The following SLC25A21 variants were observed in gnomAD, a reference collection of about 807,000 sequenced individuals.
SLC25A21 encodes the protein solute carrier family 25 member 21.
In SLC25A21, 47 loss-of-function variants were observed where a neutral mutation model predicts 43.8. The ratio of observed to expected loss-of-function variants is 1.07; its 90% CI spans 0.85 to 1.37. The LOEUF (loss-of-function observed/expected upper bound fraction) is 1.37. Among genes scored for constraint, SLC25A21 ranks in the 40% most tolerant of loss-of-function variants. SLC25A21 has a pLI of 0.00. For missense variants in SLC25A21, 352 were observed against 350.2 expected, an observed-to-expected ratio of 1.00 and a Z score of -0.04; for synonymous variants, 131 against 121.3, an observed-to-expected ratio of 1.08 and a Z score of -0.52.
At chr14:36,732,755 C>G (rs1884881332) in intron 4 of SLC25A21, among the ~76,000 whole-genome samples, 1 of 152,048 alleles carries the variant, frequency 6.6e-6, no homozygotes, top group Admixed American at 6.6e-5. Context: ...GCTTTCCTCA[C>G]AAATCCTAAG....
chr14:37,086,981 G>A (rs1962498214), intron 1 of SLC25A21, among the ~76,000 whole-genome samples: 1 of 152,092 alleles, frequency 6.6e-6, no homozygotes, highest in South Asian at 2.1e-4. Context: ...ACTTTGTGAG[G>A]GTAAAATTTG....
chr14:36,879,892 T>C (rs1890661036), intron 1 of SLC25A21, among the ~76,000 whole-genome samples: 1 of 152,158 alleles, frequency 6.6e-6, no homozygotes, highest in Non-Finnish European at 1.5e-5. Flanking sequence ...CTTCTCAGTG[T>C]TCAATTCCTA....
chr14:36,727,379 CT>C (rs1884644019), intron 5 of SLC25A21, among the ~76,000 whole-genome samples: 1 of 152,176 alleles, frequency 6.6e-6, no homozygotes, highest in South Asian at 2.1e-4. Flanking sequence ...CACCATTGTT[CT>C]TGTTGCGCAT....
intron 2 of SLC25A21, among the ~76,000 whole-genome samples, chr14:36,852,867 C>T (rs1015137376): frequency 3.9e-5 from 6 of 151,960 alleles, no homozygotes; most frequent in Non-Finnish European, 7.4e-5. Context: ...TAAAATTTTA[C>T]GTAGAAACTT....
intron 9 of SLC25A21, among the ~76,000 whole-genome samples, chr14:36,682,703 T>C (rs1318332945): frequency 2.0e-5 from 3 of 151,720 alleles, no homozygotes; most frequent in African/African-American, 7.3e-5. Context: ...TTCCCCACGT[T>C]CTATTACTGC....
chr14:36,836,902 G>T (rs912810406), intron 2 of SLC25A21, among the ~76,000 whole-genome samples: 1 of 152,072 alleles, frequency 6.6e-6, no homozygotes, highest in African/African-American at 2.4e-5. Context: ...AAACTGAAGG[G>T]GAAGAAGAGA....
chr14:36,789,698 TATATATTTTATATATTTATATATA>T (rs1210565499), intron 3 of SLC25A21, among the ~76,000 whole-genome samples: 16 of 117,882 alleles, frequency 1.4e-4, no homozygotes, highest in South Asian at 2.5e-4. Flanking sequence ...CACACACACA[TATATATTTTATATATTTATATATA>T]ATATATTTTA....
At chr14:36,968,344 C>G (rs1047198647) in intron 1 of SLC25A21, among the ~76,000 whole-genome samples, 1 of 152,154 alleles carries the variant, frequency 6.6e-6, no homozygotes, top group African/African-American at 2.4e-5. Flanking sequence ...CAAGAAGTCA[C>G]TGGTGAGTCA....
chr14:37,058,695 T>G (rs971796294), intron 1 of SLC25A21, among the ~76,000 whole-genome samples: 7 of 152,226 alleles, frequency 4.6e-5, no homozygotes, highest in African/African-American at 1.7e-4. Context: ...CAAATGAATT[T>G]GGGGACTCTA....
rs564140496 is a variant in SLC25A21, at chr14:37,123,141, G to A, written c.70+49140C>T. Among the ~76,000 whole-genome samples the A allele has an allele frequency of 6.6e-5, 10 of 152,244 alleles. 1 individual carries two copies. In the South Asian group the frequency reaches 2.1e-3, roughly 32 times the overall value. On this transcript the variant is annotated intron_variant, in intron 1 of 9. Coordinates refer to ENST00000331299, the MANE Select transcript of SLC25A21 (RefSeq NM_030631.4). ...AAGCACTTTGGCATCTTCAGCATTTGGAAAAAGAAAATACTTCAAGGTTAT... is the reference window on the plus strand; with the variant it reads ...AAGCACTTTGGCATCTTCAGCATTTAGAAAAAGAAAATACTTCAAGGTTAT...
rs539398827 is a variant in SLC25A21, at chr14:37,047,998, A to G, written c.70+124283T>C. Among the ~76,000 whole-genome samples the G allele has an allele frequency of 5.3e-5, 8 of 152,350 alleles. No homozygotes were observed. In the South Asian group the frequency reaches 6.2e-4, roughly 12 times the overall value. The stretch of plus-strand genomic sequence containing the variant: ...GGAAGAAAAGCAAATTTTAAAATTA[A>G]TGCAGAACCCATCACAGCTATCCAA... On this transcript the variant is annotated intron_variant, in intron 1 of 9. Transcript: ENST00000331299.
At chr14:36,681,515 A>G (rs1041663598) in intron 9 of SLC25A21, among the ~76,000 whole-genome samples, 2 of 152,228 alleles carry the variant, frequency 1.3e-5, no homozygotes, top group Non-Finnish European at 2.9e-5. Flanking sequence ...TTTATGTTCT[A>G]TTTGATGCAG....
chr14:36,853,426 T>A (rs149608794), intron 2 of SLC25A21, among the ~76,000 whole-genome samples: 10 of 152,296 alleles, frequency 6.6e-5, no homozygotes, highest in Non-Finnish European at 1.5e-4. Context: ...TAAGACACAC[T>A]CTGCTTTTTT....
At chr14:37,168,031 G>T (rs1041578975) in intron 1 of SLC25A21, among the ~76,000 whole-genome samples, 7 of 152,062 alleles carry the variant, frequency 4.6e-5, no homozygotes, top group African/African-American at 1.7e-4. Flanking sequence ...CTCGGTCTAG[G>T]CAGCAGGCAA....
At chr14:36,860,229 A>G (rs1435040397) in intron 2 of SLC25A21, among the ~76,000 whole-genome samples, 1 of 152,074 alleles carries the variant, frequency 6.6e-6, no homozygotes, top group Non-Finnish European at 1.5e-5. Flanking sequence ...TGAGGTATGA[A>G]GGTCGAGAAG....
chr14:36,708,668 C>T (rs1428277299), intron 7 of SLC25A21, among the ~76,000 whole-genome samples: 1 of 151,996 alleles, frequency 6.6e-6, no homozygotes, highest in Non-Finnish European at 1.5e-5. Context: ...AACTCTTAGC[C>T]TCAAGCAATC....
intron 1 of SLC25A21, chr14:37,097,169 C>T (rs1333610302): frequency 6.6e-6 from 1 of 151,986 alleles, no homozygotes; most frequent in African/African-American, 2.4e-5. Context: ...GGTGCTATCT[C>T]AGCTCACTGC....
chr14:36,981,398 T>C (rs957109650), intron 1 of SLC25A21, among the ~76,000 whole-genome samples: 5 of 152,214 alleles, frequency 3.3e-5, no homozygotes, highest in Admixed American at 1.3e-4. Context: ...CGTATGTTTA[T>C]TGCAGCACTA....
chr14:36,703,298 G>A (rs978232597), intron 7 of SLC25A21, among the ~76,000 whole-genome samples: 3 of 152,156 alleles, frequency 2.0e-5, no homozygotes, highest in Non-Finnish European at 4.4e-5. Flanking sequence ...CTTAGGGGAG[G>A]ATGTAGCTCT....
Sources: gnomAD v4.1 joint callset for allele counts (sites outside exome capture counted in the v4.1 genomes callset) on GRCh38, gnomAD v4.1.1 for gene constraint, MANE v1.5 for transcripts, NCBI Gene and HGNC (gene_info 2026-07-23, HGNC 2026-07-21) for gene names.